The following RHOC variants were observed in gnomAD, a reference collection of about 807,000 sequenced individuals.
RHOC encodes the protein ras homolog family member C.
RHOC carries 13 observed loss-of-function variants against 19.5 expected under a neutral mutation model. The observed-to-expected ratio is 0.67, with a 90% confidence interval of 0.43 to 1.06. The LOEUF (loss-of-function observed/expected upper bound fraction) is 1.06, where lower values mean the gene tolerates loss of function less well. RHOC is among the 50% of genes least tolerant of loss of function. RHOC has a pLI of 0.00. For synonymous variants in RHOC, 106 were observed against 97.3 expected, an observed-to-expected ratio of 1.09 and a Z score of -0.52; for missense variants, 173 against 256.9, an observed-to-expected ratio of 0.67 and a Z score of 2.23.
intron 2 of RHOC, chr1:112,704,259 C>T (rs1254987481): frequency 6.8e-5 from 11 of 161,738 alleles, no homozygotes; most frequent in African/African-American, 2.6e-4. Flanking sequence ...CTAGAACAGA[C>T]TGTCCCTCAG....
In RHOC at chr1:112,702,648, G is replaced by A; in HGVS notation, c.323C>T (p.Pro108Leu). Residue 108 changes from proline to leucine, a missense_variant, in exon 5 of 6, where the codon CCC (proline) becomes CTC (leucine). Physicochemically the swap from Pro to Leu is moderately conservative, Grantham distance 98. Coordinates refer to ENST00000339083, the MANE Select transcript of RHOC (RefSeq NM_175744.5). ...KWTPEVKHFC[P>L]NVPIILVGNK... ...CCCCACCAGGATGATGGGCACGTTG[G>A]GGCAGAAGTGCTTCACCTCTGGGGT... The A allele has an allele frequency of 6.2e-7, 1 of 1,614,098 alleles. No individual in the cohort carries two copies. The highest frequency in any genetic ancestry group is 8.5e-7 in the Non-Finnish European group (1 of 1,179,982).
chr1:112,703,358 C>T (rs1295187584), intron 3 of RHOC: 1 of 714,210 alleles, frequency 1.4e-6, no homozygotes, highest in South Asian at 1.5e-5. Flanking sequence ...TTAATTCTCA[C>T]AACAACCCTT....
chr1:112,705,888 A>G (rs952888101), intron 1 of RHOC: 4 of 344,890 alleles, frequency 1.2e-5, no homozygotes, highest in Non-Finnish European at 2.3e-5. Context: ...GAGTGGTGGG[A>G]GGCAGAGGAC....
At chr1:112,702,507 A>C (rs1674688637) in intron 5 of RHOC, 56 bp downstream of exon 5, 1 of 1,589,822 alleles carries the variant, frequency 6.3e-7, no homozygotes. Flanking sequence ...GCCCGTCTGC[A>C]ACCCCTCAGA....
chr1:112,706,409 T>C (rs1674839417), intron 1 of RHOC, among the ~76,000 whole-genome samples: 2 of 131,314 alleles, frequency 1.5e-5, no homozygotes, highest in Admixed American at 7.5e-5. Flanking sequence ...CAATCTCATT[T>C]TCTCTCTCTC....
rs373863359 is a variant in RHOC, at chr1:112,701,378, C to CCCGTGCCACCA, written c.*151_*161dup. On this transcript the variant is annotated 3_prime_UTR_variant, in exon 6 of 6. Transcript: ENST00000339083. Reference sequence around the variant, plus strand: ...GCTCCCAGAGCGCTGGGAGGGAGGGCCCGTGCCACCACCTCGGGGCTAGAA... The same window carrying CCCGTGCCACCA: ...GCTCCCAGAGCGCTGGGAGGGAGGGCCCGTGCCACCACCGTGCCACCACCTCGGGGCTAGAA... The CCCGTGCCACCA allele has an allele frequency of 1.1e-3, 1,683 of 1,527,546 alleles. 14 individuals are homozygous for CCCGTGCCACCA. In the African/African-American group the frequency reaches 0.016, roughly 14 times the overall value. 94.6% of individuals were successfully genotyped at this position (1,527,546 alleles called of 1,614,324 possible).
At chr1:112,702,732 T>C in intron 4 of RHOC, 39 bp from the exon 5 acceptor site, 1 of 1,612,512 alleles carries the variant, frequency 6.2e-7, no homozygotes, top group South Asian at 1.1e-5. Context: ...GTGCCTCCAC[T>C]TAAGCTAGAA....
chr1:112,704,197 T>C (rs1674762445), intron 2 of RHOC: 1 of 189,466 alleles, frequency 5.3e-6, no homozygotes, highest in African/African-American at 2.3e-5. Flanking sequence ...CAGACTTCAT[T>C]GGTTACCAGG....
In RHOC at chr1:112,706,554, C is replaced by T. The variant is rs147567103; in HGVS notation, c.-77+524G>A. ...CACACACACAGAGTTGGATCCTTCCCCATCTCCCTTATCCTCAACACAAGC... is the reference window on the plus strand; with the variant it reads ...CACACACACAGAGTTGGATCCTTCCTCATCTCCCTTATCCTCAACACAAGC... On this transcript the variant is annotated intron_variant, in intron 1 of 5. Transcript: ENST00000339083. Among the ~76,000 whole-genome samples, 550 of 142,152 alleles carry T rather than the reference C, an allele frequency of 3.9e-3. 6 individuals are homozygous for T. The highest frequency in any genetic ancestry group is 6.2e-3 in the Non-Finnish European group (405 of 64,852). The allele number at this position is 142,152 out of a possible 152,430, so 93.3% of individuals were successfully genotyped here.
intron 1 of RHOC, 141 bp from the exon 2 acceptor site, chr1:112,705,309 C>T: frequency 1.6e-6 from 1 of 642,768 alleles, no homozygotes; most frequent in Non-Finnish European, 2.8e-6. Context: ...TCAAACCTAG[C>T]TTTTTCTCTC....
chr1:112,707,201 C>A (rs1415641654), upstream of RHOC: 1 of 150,118 alleles, frequency 6.7e-6, no homozygotes, highest in Non-Finnish European at 1.5e-5. Flanking sequence ...GAGGGTCGGC[C>A]GGGGGCGGCC....
chr1:112,703,707 C>T lies in RHOC; in HGVS notation c.93G>A (p.Pro31=), dbSNP rs372772606. 2.0e-5 allele frequency: 32 copies of T among 1,613,428 alleles called. No homozygotes were observed. Among genetic ancestry groups the T allele is most frequent in the Admixed American group, 1.5e-4 (9 of 59,936 alleles). Residue 31 remains proline (P), a synonymous_variant, in exon 3 of 6, where the codon CCG becomes CCA. Transcript: ENST00000339083. ...CAAAGACAGTAGGGACGTAGACCTC[C>T]GGAAACTGATCCTTGCTGAAGACGA... ...LLIVFSKDQF[P]EVYVPTVFEN...
In RHOC at chr1:112,701,437, A is replaced by C; in HGVS notation, c.*103T>G. On this transcript the variant is annotated 3_prime_UTR_variant, in exon 6 of 6. Coordinates refer to ENST00000339083, the MANE Select transcript of RHOC (RefSeq NM_175744.5). ...AGTCCTGGGCAGGAGGGAACTGAAA[A>C]TGGGAGCCTTCAGCATGGAGCCCTC... 6.2e-7 allele frequency: 1 copy of C among 1,610,354 alleles called. No homozygotes were observed. Among genetic ancestry groups the C allele is most frequent in the South Asian group, 1.1e-5 (1 of 90,744 alleles).
At position 112,701,512 on chromosome 1, in the gene RHOC, G is replaced by C; in HGVS notation, c.*28C>G. On this transcript the variant is annotated 3_prime_UTR_variant, in exon 6 of 6. Coordinates refer to ENST00000339083, the MANE Select transcript of RHOC (RefSeq NM_175744.5). ...AATTTCTGTACCCCTGTGAAGGGAGGGGGCATGTAGGAAAGGCCTTGGGGA... is the reference window on the plus strand; with the variant it reads ...AATTTCTGTACCCCTGTGAAGGGAGCGGGCATGTAGGAAAGGCCTTGGGGA... The C allele has an allele frequency of 6.2e-7, 1 of 1,614,090 alleles. No homozygotes were observed. Among genetic ancestry groups the C allele is most frequent in the Non-Finnish European group, 8.5e-7 (1 of 1,179,962 alleles).
At chr1:112,703,602 C>T (rs374979660) in intron 3 of RHOC, 42 bp downstream of exon 3, 120 of 823,744 alleles carry the variant, frequency 1.5e-4, no homozygotes, top group Middle Eastern at 7.0e-4. Context: ...GACTGGGGGG[C>T]GGGGTCTCAG....
At position 112,701,450 on chromosome 1, in the gene RHOC, G is replaced by A. The variant is rs756669632; in HGVS notation, c.*90C>T. 2.5e-6 allele frequency: 4 copies of A among 1,612,782 alleles called. No homozygotes were observed. The African/African-American group carries it at 4.0e-5, about 16-fold the overall frequency. On this transcript the variant is annotated 3_prime_UTR_variant, in exon 6 of 6. Transcript: ENST00000339083. ...AGGGAACTGAAAATGGGAGCCTTCA[G>A]CATGGAGCCCTCAGGAGGCTGGGGT...
chr1:112,702,590 G>C lies in RHOC; in HGVS notation c.381C>G (p.Thr127=). Residue 127 remains threonine, a synonymous_variant, in exon 5 of 6, where the codon ACC becomes ACG. Coordinates refer to ENST00000339083, the MANE Select transcript of RHOC (RefSeq NM_175744.5). The part of the protein sequence containing the change: ...NKKDLRQDEH[T]RRELAKMKQE... ...GCTTCATCTTGGCCAGCTCTCTCCT[G>C]GTGTGCTCGTCTTGCCTCAGGTCCT... 1.9e-6 allele frequency: 3 copies of C among 1,614,108 alleles called. No individual in the cohort carries two copies. The highest frequency in any genetic ancestry group is 2.5e-6 in the Non-Finnish European group (3 of 1,179,992).
In RHOC at chr1:112,701,468, G is replaced by T; in HGVS notation, c.*72C>A. On this transcript the variant is annotated 3_prime_UTR_variant, in exon 6 of 6. Coordinates refer to ENST00000339083, the MANE Select transcript of RHOC (RefSeq NM_175744.5). ...GCCTTCAGCATGGAGCCCTCAGGAG[G>T]CTGGGGTTGTAGGGGGATAATTTCT... 1 of 1,613,806 alleles carries T rather than the reference G, an allele frequency of 6.2e-7. No homozygotes were observed. Among genetic ancestry groups the T allele is most frequent in the East Asian group, 2.2e-5 (1 of 44,864 alleles).
Position 112,702,610 on chromosome 1 carries a change from G to T in RHOC, c.361C>A (p.Leu121Met), listed in dbSNP as rs969698119. The change falls in exon 5 of 6, where the codon CTG (leucine) becomes ATG (methionine). Residue 121 changes from leucine to methionine, a missense_variant. Physicochemically the swap from Leu to Met is conservative, Grantham distance 15. Around this residue, in one of 2 missense-constraint regions of RHOC, gnomAD observed 92 missense variants for 171.1 expected, o/e 0.54. Coordinates refer to ENST00000339083, the MANE Select transcript of RHOC (RefSeq NM_175744.5). Reference sequence around the variant, plus strand: ...CTCCTGGTGTGCTCGTCTTGCCTCAGGTCCTTCTTATTCCCCACCAGGATG... The same window carrying T: ...CTCCTGGTGTGCTCGTCTTGCCTCATGTCCTTCTTATTCCCCACCAGGATG... ...PIILVGNKKD[L>M]RQDEHTRREL... The T allele has an allele frequency of 2.5e-6, 4 of 1,614,074 alleles. No individual in the cohort carries two copies. In the South Asian group the frequency reaches 4.4e-5, roughly 18 times the overall value.
Sources: allele counts gnomAD v4.1 joint callset (sites outside exome capture counted in the v4.1 genomes callset), GRCh38; gene constraint gnomAD v4.1.1; regional missense constraint gnomAD v4.1.1; transcripts MANE v1.5; gene names NCBI Gene and HGNC (gene_info 2026-07-23, HGNC 2026-07-21).